Variants in HLA-C observed in about 807,000 individuals in gnomAD.
HLA-C encodes the protein HLA class I histocompatibility antigen, C alpha chain.
Under a neutral mutation model 36.9 loss-of-function variants are expected in HLA-C, and 15 were observed. The observed-to-expected ratio is 0.41, with a 90% CI of 0.27 to 0.63. The LOEUF is 0.63. Among genes scored for constraint, HLA-C ranks in the 20% least tolerant of loss-of-function variants. The pLI, the probability that HLA-C is intolerant of heterozygous loss-of-function variation, is 0.35. For missense variants in HLA-C, 272 were observed against 400.4 expected (o/e 0.68, Z 2.74); for synonymous variants, 104 against 174.3 (o/e 0.60, Z 3.18).
In HLA-C at chr6:31,269,736, T is replaced by C. The variant is rs72558159; in HGVS notation, c.1016-211A>G. The C allele has an allele frequency of 1.4e-3, 422 of 299,552 alleles. 54 individuals are homozygous for C. Among genetic ancestry groups the C allele is most frequent in the African/African-American group, 6.8e-3 (117 of 17,212 alleles). 18.6% of individuals were successfully genotyped at this position (299,552 alleles called of 1,614,324 possible). On this transcript the variant is annotated intron_variant, in intron 5 of 7. Transcript: ENST00000376228. ...TTAGCAGGGACCTTCCCCTGACTCA[T>C]GAATGCTGGAATCAGGACCCCAACA...
At chr6:31,268,902 T>C (rs1130580) in exon 8 of HLA-C, 72,429 of 237,308 alleles carry the variant, frequency 0.31, 16,813 homozygotes, top group East Asian at 0.58. Context: ...TGCAGCTCAG[T>C]GCACCATGAA....
At position 31,271,714 on chromosome 6, in the gene HLA-C, C is replaced by T. The variant is rs1065384; in HGVS notation, c.228G>A (p.Val76=). 1.5e-5 allele frequency: 22 copies of T among 1,506,306 alleles called. 1 individual carries two copies. The highest frequency in any genetic ancestry group is 1.1e-4 in the African/African-American group (6 of 56,534). 93.3% of individuals were successfully genotyped at this position (1,506,306 alleles called of 1,614,324 possible). ...CCCAATACTCCGGCCCCTCCTGCTC[C>T]ACCCACGGCGCCCGCGGCTCCCCTC... Residue 76 remains valine, a synonymous_variant, in exon 2 of 8, where the codon GTG becomes GTA. Transcript: ENST00000376228.
chr6:31,270,191 C>G lies in HLA-C; in HGVS notation c.895+19G>C. On this transcript the variant is annotated intron_variant, in intron 4 of 7. Transcript: ENST00000376228. The stretch of plus-strand genomic sequence containing the variant: ...TGCTTTCTCTGATAAGAGATGTGAC[C>G]CCCCATTCCCCTCCTTACCCCAGCT... The G allele has an allele frequency of 1.2e-6, 1 of 831,712 alleles. No homozygotes were observed. Among genetic ancestry groups the G allele is most frequent in the Non-Finnish European group, 1.5e-6 (1 of 659,440 alleles). 51.5% of individuals were successfully genotyped at this position (831,712 alleles called of 1,614,324 possible).
At chr6:31,271,091 C>T (rs1131103) in exon 3 of HLA-C, 37,443 of 1,087,300 alleles carry the variant, frequency 0.034, 7,240 homozygotes, top group East Asian at 0.097. Flanking sequence ...TGCAGCGTCT[C>T]CTTCCCGTTC....
chr6:31,268,955 C>G, exon 8 of HLA-C: 1 of 524,510 alleles, frequency 1.9e-6, no homozygotes, highest in Non-Finnish European at 3.6e-6. Context: ...CTCTCTGGAA[C>G]AGGAAAGATG....
At chr6:31,271,160 C>G (rs281860514) in exon 3 of HLA-C, 1 of 1,004,022 alleles carries the variant, frequency 1.0e-6, no homozygotes. Flanking sequence ...CTCAGCTGCT[C>G]CGCCGCACGG....
chr6:31,271,729 C>G (rs1050414), exon 2 of HLA-C: 184,337 of 1,460,664 alleles, frequency 0.13, 30,929 homozygotes, highest in Middle Eastern at 0.19. Flanking sequence ...ACGGCGCCCG[C>G]GGCTCCCCTC....
Position 31,271,124 on chromosome 6 carries a change from C to CCACG in HLA-C, c.564_567dup (p.Glu190ArgfsTer32). 1 of 1,152,048 alleles carries CCACG rather than the reference C, an allele frequency of 8.7e-7. No homozygotes were observed. Among genetic ancestry groups the CCACG allele is most frequent in the South Asian group, 1.4e-5 (1 of 71,930 alleles). 71.4% of individuals were successfully genotyped at this position (1,152,048 alleles called of 1,614,324 possible). ...TTCTCCAGGTATCTGCGGAGCCACT[C>CCACG]CACGCACGTGCCCTCCAGGTAGGCT... On this transcript the variant is annotated frameshift_variant, in exon 3 of 8. Coordinates refer to ENST00000376228, the Ensembl canonical transcript of HLA-C. LOFTEE classifies it high-confidence loss of function.
Position 31,271,984 on chromosome 6 carries a change from C to T in HLA-C, c.73+15G>A, listed in dbSNP as rs41550615. ...CTCTCCGCAGAGGCCGCTTCCCTCC[C>T]AACCCCGCACTCACAGGCCCAGGTC... On this transcript the variant is annotated intron_variant, in intron 1 of 7. Transcript: ENST00000376228. 5.5e-3 allele frequency: 5,856 copies of T among 1,068,144 alleles called. 225 individuals are homozygous for T. Among genetic ancestry groups the T allele is most frequent in the East Asian group, 0.051 (1,384 of 27,136 alleles). The allele number at this position is 1,068,144 out of a possible 1,614,324, so 66.2% of individuals were successfully genotyped here. A position where few individuals can be genotyped will look rare whatever the true frequency, so the allele number is the denominator to read the frequency against.
chr6:31,272,019 GC>G lies in HLA-C; in HGVS notation c.52del (p.Ala18ProfsTer2). 9.4e-7 allele frequency: 1 copy of G among 1,059,750 alleles called. No homozygotes were observed. The highest frequency in any genetic ancestry group is 1.3e-6 in the Non-Finnish European group (1 of 788,922). 65.6% of individuals were successfully genotyped at this position (1,059,750 alleles called of 1,614,324 possible). A position where few individuals can be genotyped will look rare whatever the true frequency, so the allele number is the denominator to read the frequency against. On this transcript the variant is annotated frameshift_variant, in exon 1 of 8. Coordinates refer to ENST00000376228, the Ensembl canonical transcript of HLA-C. LOFTEE classifies it high-confidence loss of function. ...CTCACAGGCCCAGGTCTCGGTCAGG[GC>G]CAGGCCTCCCGAGAGCAGCAGGAGG...
chr6:31,268,957 GGA>G (rs1761090928), exon 8 of HLA-C: 1 of 538,812 alleles, frequency 1.9e-6, no homozygotes, highest in African/African-American at 1.9e-5. Context: ...CTCTGGAACA[GGA>G]AAGATGATCG....
In HLA-C at chr6:31,270,482, G is replaced by C. The variant is rs1131096; in HGVS notation, c.623C>G (p.Pro208Arg). The C allele has an allele frequency of 8.6e-3, 7,156 of 836,270 alleles. 2,444 individuals carry two copies. The highest frequency in any genetic ancestry group is 0.072 in the Middle Eastern group (154 of 2,144). 51.8% of individuals were successfully genotyped at this position (836,270 alleles called of 1,614,324 possible). A position where few individuals can be genotyped will look rare whatever the true frequency, so the allele number is the denominator to read the frequency against. ...GTGGTGGGTCACGTGTGTCTTTGGG[G>C]GTTCTGACGGGAAGAGTCAGAAAAT... The change falls in exon 4 of 8, where the codon CCC becomes CGC. Residue 208 changes from proline (P) to arginine (R), a missense_variant. Around this residue, in one of 8 missense-constraint regions of HLA-C, gnomAD observed 49 missense variants for 93.9 expected, o/e 0.52. Coordinates refer to ENST00000376228, the Ensembl canonical transcript of HLA-C.
chr6:31,271,352 GC>G lies in HLA-C; in HGVS notation c.344-5del, dbSNP rs1302392283. On this transcript the variant is annotated splice_polypyrimidine_tract_variant and splice_region_variant and intron_variant, in intron 2 of 7. Transcript: ENST00000376228. ...ATCCTCTGGAGGGTGTGAGACCCTGGCCCCGCCCCCGCGGTCAGCCCAGTCC... is the reference window on the plus strand; with the variant it reads ...ATCCTCTGGAGGGTGTGAGACCCTGGCCCGCCCCCGCGGTCAGCCCAGTCC... The G allele has an allele frequency of 1.0e-6, 1 of 965,548 alleles. No homozygotes were observed. Among genetic ancestry groups the G allele is most frequent in the Non-Finnish European group, 1.4e-6 (1 of 734,532 alleles). 59.8% of individuals were successfully genotyped at this position (965,548 alleles called of 1,614,324 possible).
chr6:31,269,050 G>A lies in HLA-C; in HGVS notation c.*119C>T, dbSNP rs187712210. 4.9e-5 allele frequency: 36 copies of A among 729,010 alleles called. No homozygotes were observed. The Admixed American group carries it at 7.7e-4, about 16-fold the overall frequency. 45.2% of individuals were successfully genotyped at this position (729,010 alleles called of 1,614,324 possible). ...CTGTCTCTCCACCTCCTCACATTATGCTAACAGGAACGCAGACACATTCAG... is the reference window on the plus strand; with the variant it reads ...CTGTCTCTCCACCTCCTCACATTATACTAACAGGAACGCAGACACATTCAG... On this transcript the variant is annotated 3_prime_UTR_variant, in exon 8 of 8. Coordinates refer to ENST00000376228, the Ensembl canonical transcript of HLA-C.
At chr6:31,269,129 T>A in exon 8 of HLA-C, 1 of 1,452,782 alleles carries the variant, frequency 6.9e-7, no homozygotes, top group Non-Finnish European at 9.4e-7. Context: ...AGGAGAGGTG[T>A]GAAGAAATCC....
chr6:31,269,969 A>G (rs1341796579), exon 5 of HLA-C: 1 of 835,046 alleles, frequency 1.2e-6, no homozygotes, highest in Non-Finnish European at 1.5e-6. Flanking sequence ...TCCCTACCTG[A>G]GCTCTTCCTC....
chr6:31,269,455 T>A, intron 6 of HLA-C, 38 bp downstream of exon 6: 1 of 861,188 alleles, frequency 1.2e-6, no homozygotes, highest in Non-Finnish European at 1.5e-6. Context: ...AATTATGGAG[T>A]AGGTGAGCTC....
Position 31,271,360 on chromosome 6 carries a change from C to G in HLA-C, c.344-12G>C, listed in dbSNP as rs934439853. 11 of 939,518 alleles carry G rather than the reference C, an allele frequency of 1.2e-5. 4 individuals carry two copies. Among genetic ancestry groups the G allele is most frequent in the Non-Finnish European group, 1.5e-5 (11 of 719,142 alleles). 58.2% of individuals were successfully genotyped at this position (939,518 alleles called of 1,614,324 possible). A position where few individuals can be genotyped will look rare whatever the true frequency, so the allele number is the denominator to read the frequency against. On this transcript the variant is annotated splice_polypyrimidine_tract_variant and intron_variant, in intron 2 of 7. Transcript: ENST00000376228. ...GAGGGTGTGAGACCCTGGCCCCGCC[C>G]CCGCGGTCAGCCCAGTCCCCCGAGC...
At chr6:31,272,038 G>A in exon 1 of HLA-C, 2 of 1,037,680 alleles carry the variant, frequency 1.9e-6, no homozygotes, top group South Asian at 1.6e-5. Context: ...CCCGAGAGCA[G>A]CAGGAGGAGG....
Sources: gnomAD v4.1 joint callset for allele counts on GRCh38, gnomAD v4.1.1 for gene constraint, gnomAD v4.1.1 regional missense constraint, MANE v1.5 for transcripts, NCBI Gene and HGNC (gene_info 2026-07-23, HGNC 2026-07-21) for gene names.